Variants in SLC39A12 observed in about 807,000 individuals in gnomAD.
The protein encoded by SLC39A12 is zinc transporter ZIP12.
Under a neutral mutation model 71.1 loss-of-function variants are expected in SLC39A12, and 63 were observed. That is an observed-to-expected ratio of 0.89 (90% CI 0.72 to 1.09). The LOEUF is 1.09. Ranked by LOEUF, SLC39A12 falls within the 50% of genes least tolerant of loss-of-function variation. The probability of loss-of-function intolerance (pLI) is 0.00; values close to 1 mark genes in which losing one functional copy is unlikely to be tolerated. For missense variants in SLC39A12, 892 were observed against 812.6 expected (o/e 1.10, Z -1.19); for synonymous variants, 351 against 301.3 (o/e 1.16, Z -1.71).
At position 17,991,227 on chromosome 10, in the gene SLC39A12, T is replaced by C; in HGVS notation, c.1346T>C (p.Met449Thr). 1 of 1,600,676 alleles carries C rather than the reference T, an allele frequency of 6.2e-7. No individual in the cohort carries two copies. ...AGCAAAGGTCATATTTGGAAACTGA[T>C]GGGATTAATTGGAGGCATCCATGGA... Reference protein sequence around the residue: ...HESKGHIWKLMGLIGGIHGFF... With the variant: ...HESKGHIWKLTGLIGGIHGFF... The change falls in exon 8 of 13, where the codon ATG becomes ACG. Residue 449 changes from methionine to threonine, a missense_variant. Transcript: ENST00000377369.
chr10:18,018,535 C>T lies in SLC39A12; in HGVS notation c.1947+15177C>T, dbSNP rs181282488. 4.3e-3 allele frequency among the ~76,000 whole-genome samples: 661 copies of T among 152,208 alleles called. 3 individuals carry two copies. Among genetic ancestry groups the T allele is most frequent in the African/African-American group, 0.015 (631 of 41,550 alleles). On this transcript the variant is annotated intron_variant, in intron 12 of 12. Coordinates refer to ENST00000377369, the MANE Select transcript of SLC39A12 (RefSeq NM_001145195.2). ...ATAGGTTTTTGTAAATGTTCTTTATCAAGTTGAGGAAATTACCTTAATTCC... is the reference window on the plus strand; with the variant it reads ...ATAGGTTTTTGTAAATGTTCTTTATTAAGTTGAGGAAATTACCTTAATTCC...
chr10:18,025,095 G>A (rs1047331193), intron 12 of SLC39A12, among the ~76,000 whole-genome samples: 2 of 152,088 alleles, frequency 1.3e-5, no homozygotes, highest in African/African-American at 2.4e-5. Flanking sequence ...TTGCTTAGTT[G>A]AATCAATATC....
chr10:18,024,453 C>G (rs1274797760), intron 12 of SLC39A12, among the ~76,000 whole-genome samples: 1 of 152,140 alleles, frequency 6.6e-6, no homozygotes, highest in Non-Finnish European at 1.5e-5. Flanking sequence ...CTTAATGTTT[C>G]CCTTGGTGGA....
intron 4 of SLC39A12, among the ~76,000 whole-genome samples, chr10:17,966,760 A>G (rs1450188025): frequency 6.6e-6 from 1 of 151,912 alleles, no homozygotes; most frequent in African/African-American, 2.4e-5. Flanking sequence ...ACTTGAGGTC[A>G]GGAGTTCGAG....
At chr10:17,966,785 C>A (rs1834835586) in intron 4 of SLC39A12, among the ~76,000 whole-genome samples, 1 of 151,840 alleles carries the variant, frequency 6.6e-6, no homozygotes, top group Non-Finnish European at 1.5e-5. Context: ...GCCTGGCCAA[C>A]ATAGTGAAAC....
chr10:18,015,030 G>C (rs556743720), intron 12 of SLC39A12, among the ~76,000 whole-genome samples: 1 of 152,310 alleles, frequency 6.6e-6, no homozygotes, highest in Non-Finnish European at 1.5e-5. Flanking sequence ...AACTAAGGCA[G>C]TTCATGCACT....
intron 12 of SLC39A12, among the ~76,000 whole-genome samples, chr10:18,020,101 G>T (rs2488115): frequency 1.1e-4 from 16 of 151,786 alleles, no homozygotes; most frequent in Non-Finnish European, 2.1e-4. Flanking sequence ...TGGCAATCAA[G>T]GTAATACCCA....
intron 12 of SLC39A12, among the ~76,000 whole-genome samples, chr10:18,036,784 A>ATTTT (rs1277319900): frequency 2.6e-4 from 2 of 7,688 alleles, no homozygotes; most frequent in African/African-American, 1.1e-3. Flanking sequence ...ATATATATAT[A>ATTTT]TATATATATA....
In SLC39A12 at chr10:17,961,816, A is replaced by G. The variant is rs781790857; in HGVS notation, c.497A>G (p.Asp166Gly). The G allele has an allele frequency of 4.3e-6, 7 of 1,614,058 alleles. No individual in the cohort carries two copies. The highest frequency in any genetic ancestry group is 1.3e-5 in the African/African-American group (1 of 75,044). ...TTCCTTTCACAGAATGAGACAGAAG[A>G]TATCTTGGCTTTCACCAGGCAGTAC... ...SSFLSQNETE[D>G]ILAFTRQYFD... Residue 166 changes from aspartate to glycine, a missense_variant, in exon 3 of 13, where the codon GAT becomes GGT. Coordinates refer to ENST00000377369, the MANE Select transcript of SLC39A12 (RefSeq NM_001145195.2).
chr10:17,974,871 AG>A (rs1249234255), intron 4 of SLC39A12, among the ~76,000 whole-genome samples: 1 of 152,200 alleles, frequency 6.6e-6, no homozygotes, highest in Non-Finnish European at 1.5e-5. Context: ...CCCAGTTCCC[AG>A]GCAGGTCCAG....
Position 17,981,424 on chromosome 10 carries a change from G to T in SLC39A12, c.1037G>T (p.Ser346Ile). The change falls in exon 6 of 13, where the codon AGC (serine) becomes ATC (isoleucine). Residue 346 changes from serine to isoleucine, a missense_variant. Transcript: ENST00000377369. ...CCAGGGATCATCCAGCAGCTCCTCA[G>T]CTGCTCCTGCCACTTACCCAAGGAC... The part of the protein sequence containing the change: ...MSPGIIQQLL[S>I]CSCHLPKDQQ... 6.2e-7 allele frequency: 1 copy of T among 1,613,970 alleles called. No homozygotes were observed. The highest frequency in any genetic ancestry group is 1.1e-5 in the South Asian group (1 of 91,066).
chr10:18,039,588 T>C (rs1309969564), intron 12 of SLC39A12, among the ~76,000 whole-genome samples: 3 of 145,666 alleles, frequency 2.1e-5, no homozygotes, highest in Non-Finnish European at 4.6e-5. Flanking sequence ...ATTAGCTGGG[T>C]AGGGTAGTAT....
chr10:17,963,346 CAGCACTTAAA>C (rs1834740124), intron 3 of SLC39A12, among the ~76,000 whole-genome samples: 2 of 152,190 alleles, frequency 1.3e-5, no homozygotes, highest in African/African-American at 2.4e-5. Context: ...ATGGGTAACT[CAGCACTTAAA>C]AGCACTTAAA....
chr10:18,015,719 C>G (rs1190413985), intron 12 of SLC39A12, among the ~76,000 whole-genome samples: 2 of 151,854 alleles, frequency 1.3e-5, no homozygotes, highest in African/African-American at 4.8e-5. Flanking sequence ...CATGATGATT[C>G]TTCTCAAAGT....
chr10:18,041,571 CACACAT>C (rs1460624861), intron 12 of SLC39A12, among the ~76,000 whole-genome samples: 21 of 127,420 alleles, frequency 1.6e-4, no homozygotes, highest in African/African-American at 4.2e-4. Flanking sequence ...CACATACACA[CACACAT>C]ACATACACAC....
chr10:17,974,562 A>T (rs1442257335), intron 4 of SLC39A12, among the ~76,000 whole-genome samples: 3 of 152,100 alleles, frequency 2.0e-5, no homozygotes, highest in African/African-American at 7.2e-5. Context: ...GATCCTGGAG[A>T]ATTCTTTGGA....
intron 12 of SLC39A12, among the ~76,000 whole-genome samples, chr10:18,036,792 A>ATTTTTTTTTTTTTTTTT (rs1176352939): frequency 2.4e-5 from 2 of 84,648 alleles, no homozygotes; most frequent in African/African-American, 4.8e-5. Flanking sequence ...ATATATATAT[A>ATTTTTTTTTTTTTTTTT]TATTTTTTTT....
intron 4 of SLC39A12, among the ~76,000 whole-genome samples, chr10:17,974,743 A>G (rs1835062890): frequency 6.6e-6 from 1 of 152,016 alleles, no homozygotes. Flanking sequence ...ACTGGGTCTC[A>G]CCCGAGGCCC....
intron 7 of SLC39A12, among the ~76,000 whole-genome samples, chr10:17,989,833 G>A (rs888965136): frequency 6.6e-5 from 10 of 151,926 alleles, no homozygotes; most frequent in Non-Finnish European, 1.3e-4. Context: ...CAGGAGAATC[G>A]CTTGAACCCA....
Sources: allele counts gnomAD v4.1 joint callset (sites outside exome capture counted in the v4.1 genomes callset), GRCh38; gene constraint gnomAD v4.1.1; transcripts MANE v1.5; gene names NCBI Gene and HGNC (gene_info 2026-07-23, HGNC 2026-07-21).